LYPD2: variants seen among roughly 807,000 people sequenced by gnomAD.
LYPD2 encodes the protein ly6/PLAUR domain-containing protein 2.
In LYPD2, 5 loss-of-function variants were observed where a neutral mutation model predicts 7.1. That is an observed-to-expected ratio of 0.70 (90% CI 0.37 to 1.48). LYPD2 has a LOEUF of 1.48. LYPD2 is among the 40% of genes most tolerant of loss of function. LYPD2 has a pLI of 0.03. For synonymous variants in LYPD2, 78 were observed against 82.0 expected (o/e 0.95, Z 0.26); for missense variants, 177 against 171.0 (o/e 1.04, Z -0.20).
chr8:142,751,172 T>A lies in LYPD2; in HGVS notation c.59-2A>T. 1 of 1,613,780 alleles carries A rather than the reference T, an allele frequency of 6.2e-7. No individual in the cohort carries two copies. Among genetic ancestry groups the A allele is most frequent in the Non-Finnish European group, 8.5e-7 (1 of 1,179,984 alleles). On this transcript the variant is annotated splice_acceptor_variant, in intron 1 of 2. Coordinates refer to ENST00000359228, the MANE Select transcript of LYPD2 (RefSeq NM_205545.3). LOFTEE classifies it high-confidence loss of function. ...AGACGTAGCAGCGCAGGGCCGGCGC[T>A]GGGGAGAAGGGACAAGGGCGGTCAG... is the stretch of plus-strand genomic sequence containing the variant.
Position 142,752,509 on chromosome 8 carries a change from C to T in LYPD2, c.-58G>A. ...AGGCTTGCCTGGCGGGGACAGCAGACACCAAGTGAGGTGGCGACAGACTGG... is the reference window on the plus strand; with the variant it reads ...AGGCTTGCCTGGCGGGGACAGCAGATACCAAGTGAGGTGGCGACAGACTGG... On this transcript the variant is annotated 5_prime_UTR_variant, in exon 1 of 3. Transcript: ENST00000359228. The T allele has an allele frequency of 6.3e-7, 1 of 1,595,804 alleles. No individual in the cohort carries two copies.
chr8:142,750,845 A>G (rs1814694012), intron 2 of LYPD2, among the ~76,000 whole-genome samples: 1 of 152,236 alleles, frequency 6.6e-6, no homozygotes, highest in African/African-American at 2.4e-5. Flanking sequence ...TCGGGCAGAA[A>G]GCCATTTCTG....
At chr8:142,752,350 G>T (rs759666750) in intron 1 of LYPD2, 44 bp downstream of exon 1, 1 of 1,608,674 alleles carries the variant, frequency 6.2e-7, no homozygotes, top group South Asian at 1.1e-5. Flanking sequence ...TCAGTGGGTG[G>T]CATCTCCCTC....
At position 142,750,288 on chromosome 8, in the gene LYPD2, G is replaced by T; in HGVS notation, c.373C>A (p.Leu125Met). The change falls in exon 3 of 3, where the codon CTG (leucine) becomes ATG (methionine). Residue 125 changes from leucine to methionine, a missense_variant. Physicochemically the swap from Leu to Met is conservative, Grantham distance 15. Transcript: ENST00000359228. ...CATGGGGGTGGGCGGGGACTCTACA[G>T]TCGGAGGCTCAAGAGTGGGAGGAGC... ...LTLLPLLSLR[L>M] is the part of the protein sequence containing the mutation. 1.3e-6 allele frequency: 2 copies of T among 1,551,480 alleles called. No homozygotes were observed. The highest frequency in any genetic ancestry group is 1.7e-6 in the Non-Finnish European group (2 of 1,147,358).
chr8:142,750,676 G>A (rs943949987), intron 2 of LYPD2, among the ~76,000 whole-genome samples, 194 bp from the exon 3 acceptor site: 21 of 152,214 alleles, frequency 1.4e-4, no homozygotes, highest in African/African-American at 4.3e-4. Context: ...CCAGGCACCC[G>A]GCCTGATGGG....
At chr8:142,750,909 G>A in intron 2 of LYPD2, 142 bp downstream of exon 2, 1 of 1,446,008 alleles carries the variant, frequency 6.9e-7, no homozygotes, top group South Asian at 1.3e-5. Context: ...GGTGGTGACT[G>A]GGCTGGAGGT....
chr8:142,750,243 G>C lies in LYPD2; in HGVS notation c.*40C>G. ...CAGGGGGCACTTCTTCAAGGCATTC[G>C]GGGCTGGGCCGCATAGGGCCATGGG... is the stretch of plus-strand genomic sequence containing the variant. On this transcript the variant is annotated 3_prime_UTR_variant, in exon 3 of 3. Transcript: ENST00000359228. 1 of 1,529,734 alleles carries C rather than the reference G, an allele frequency of 6.5e-7. No individual in the cohort carries two copies. Among genetic ancestry groups the C allele is most frequent in the Non-Finnish European group, 8.8e-7 (1 of 1,131,156 alleles). The allele number at this position is 1,529,734 out of a possible 1,614,324, so 94.8% of individuals were successfully genotyped here.
At chr8:142,750,681 G>A (rs910008969) in intron 2 of LYPD2, among the ~76,000 whole-genome samples, 199 bp from the exon 3 acceptor site, 2 of 152,250 alleles carry the variant, frequency 1.3e-5, no homozygotes, top group African/African-American at 4.8e-5. Flanking sequence ...CACCCGGCCT[G>A]ATGGGGCAGT....
In LYPD2 at chr8:142,750,368, A is replaced by G. The variant is rs201315653; in HGVS notation, c.293T>C (p.Leu98Pro). ...TLPVSCCNTE[L>P]CNVDGAPALN... ...AGCGGGCGCCCCGTCTACATTGCACAGCTCAGTATTGCAGCAGGACACGGG... is the reference window on the plus strand; with the variant it reads ...AGCGGGCGCCCCGTCTACATTGCACGGCTCAGTATTGCAGCAGGACACGGG... The change falls in exon 3 of 3, where the codon CTG becomes CCG. Residue 98 changes from leucine (L) to proline (P), a missense_variant. By Grantham distance (98) the Leu-to-Pro change is moderately conservative. Transcript: ENST00000359228. 9.3e-5 allele frequency: 145 copies of G among 1,567,042 alleles called. No individual in the cohort carries two copies. In the East Asian group the frequency reaches 3.4e-3, roughly 36 times the overall value.
At chr8:142,752,365 C>G (rs1329036178) in intron 1 of LYPD2, 29 bp downstream of exon 1, 1 of 1,613,068 alleles carries the variant, frequency 6.2e-7, no homozygotes, top group Non-Finnish European at 8.5e-7. Context: ...TCCCTCCGTC[C>G]CAGCTCCCCT....
intron 2 of LYPD2, among the ~76,000 whole-genome samples, chr8:142,750,819 C>T (rs1814693576): frequency 6.6e-6 from 1 of 152,220 alleles, no homozygotes; most frequent in Admixed American, 6.5e-5. Flanking sequence ...AAGGGGAGGG[C>T]AGAGGGAGGC....
rs964462832 is a variant in LYPD2 at position 142,750,286 on chromosome 8, C to T, written c.375G>A (p.Leu125=). ...LTLLPLLSLR[L] ...GCCATGGGGGTGGGCGGGGACTCTA[C>T]AGTCGGAGGCTCAAGAGTGGGAGGA... The change falls in exon 3 of 3, where the codon CTG becomes CTA. Residue 125 remains leucine (L), a synonymous_variant. Transcript: ENST00000359228. The T allele has an allele frequency of 1.3e-6, 2 of 1,551,268 alleles. No homozygotes were observed. Among genetic ancestry groups the T allele is most frequent in the African/African-American group, 1.4e-5 (1 of 73,236 alleles).
chr8:142,751,193 G>C, intron 1 of LYPD2, 23 bp from the exon 2 acceptor site: 1 of 1,612,410 alleles, frequency 6.2e-7, no homozygotes, highest in Non-Finnish European at 8.5e-7. Flanking sequence ...GACAAGGGCG[G>C]TCAGGCAGGC....
In LYPD2 at chr8:142,751,119, C is replaced by T. The variant is rs1814700413; in HGVS notation, c.110G>A (p.Cys37Tyr). 1 of 1,614,206 alleles carries T rather than the reference C, an allele frequency of 6.2e-7. No homozygotes were observed. Among genetic ancestry groups the T allele is most frequent in the Non-Finnish European group, 8.5e-7 (1 of 1,180,032 alleles). The change falls in exon 2 of 3, where the codon TGT (cysteine) becomes TAT (tyrosine). Residue 37 changes from cysteine (C) to tyrosine (Y), a missense_variant. Cys to Tyr is a radical substitution (Grantham distance 194). Transcript: ENST00000359228. The stretch of plus-strand genomic sequence containing the variant: ...GGTGGTGCAGGTGGCGATGGTGACA[C>T]AGTCCGACACTCCTGTGGGCTCCGG... ...VCPEPTGVSDCVTIATCTTNE... is the reference protein window; with the variant it reads ...VCPEPTGVSDYVTIATCTTNE...
chr8:142,750,283 C>T lies in LYPD2; in HGVS notation c.378G>A (p.Ter126=). 6.4e-7 allele frequency: 1 copy of T among 1,551,138 alleles called. No homozygotes were observed. The change falls in exon 3 of 3, where the codon TAG becomes TAA. Residue 126 remains the stop codon, a stop_retained_variant. Coordinates refer to ENST00000359228, the MANE Select transcript of LYPD2 (RefSeq NM_205545.3). ...TLLPLLSLRL[*] ...AGGGCCATGGGGGTGGGCGGGGACT[C>T]TACAGTCGGAGGCTCAAGAGTGGGA...
chr8:142,750,613 G>C, intron 2 of LYPD2, 131 bp from the exon 3 acceptor site: 1 of 862,204 alleles, frequency 1.2e-6, no homozygotes, highest in Non-Finnish European at 1.8e-6. Flanking sequence ...CTGGCCCAGT[G>C]CCCTCCTCTT....
chr8:142,751,227 C>T lies in LYPD2; in HGVS notation c.59-57G>A, dbSNP rs1814709264. The T allele has an allele frequency of 1.4e-5, 22 of 1,602,462 alleles. No individual in the cohort carries two copies. The South Asian group carries it at 2.4e-4, about 18-fold the overall frequency. On this transcript the variant is annotated intron_variant, in intron 1 of 2. Coordinates refer to ENST00000359228, the MANE Select transcript of LYPD2 (RefSeq NM_205545.3). The stretch of plus-strand genomic sequence containing the variant: ...GCTCCACCCCTCCCAAGCCCAGAGA[C>T]AGTCTGTCCTGGAAGCCCAGGTCTG...
chr8:142,750,354 C>G lies in LYPD2; in HGVS notation c.307G>C (p.Gly103Arg), dbSNP rs772125171. The change falls in exon 3 of 3, where the codon GGG (glycine) becomes CGG (arginine). Residue 103 changes from glycine (G) to arginine (R), a missense_variant. By Grantham distance (125) the Gly-to-Arg change is moderately radical (BLOSUM62 -2). Transcript: ENST00000359228. The part of the protein sequence containing the change: ...CCNTELCNVD[G>R]APALNSLHCG... The stretch of plus-strand genomic sequence containing the variant: ...TGGAGGCTGTTCAGAGCGGGCGCCC[C>G]GTCTACATTGCACAGCTCAGTATTG... 11 of 1,560,566 alleles carry G rather than the reference C, an allele frequency of 7.0e-6. No individual in the cohort carries two copies. In the South Asian group the frequency reaches 9.5e-5, roughly 13 times the overall value.
Position 142,751,309 on chromosome 8 carries a change from A to G in LYPD2, c.59-139T>C, listed in dbSNP as rs892057853. 1.3e-5 allele frequency: 16 copies of G among 1,207,560 alleles called. No individual in the cohort carries two copies. The Middle Eastern group carries it at 7.6e-4, about 57-fold the overall frequency. The allele number at this position is 1,207,560 out of a possible 1,614,324, so 74.8% of individuals were successfully genotyped here. ...TGCCTACCAGCCAAAACTCAGGAGCAATGCCAGGAGCCTGCAGCTGGGGAC... is the reference window on the plus strand; with the variant it reads ...TGCCTACCAGCCAAAACTCAGGAGCGATGCCAGGAGCCTGCAGCTGGGGAC... On this transcript the variant is annotated intron_variant, in intron 1 of 2. Coordinates refer to ENST00000359228, the MANE Select transcript of LYPD2 (RefSeq NM_205545.3).
Sources: allele counts gnomAD v4.1 joint callset (sites outside exome capture counted in the v4.1 genomes callset), GRCh38; gene constraint gnomAD v4.1.1; transcripts MANE v1.5; gene names NCBI Gene and HGNC (gene_info 2026-07-23, HGNC 2026-07-21).